Variants in IDO2 observed in about 807,000 individuals in gnomAD.
IDO2 encodes the protein indoleamine 2,3-dioxygenase 2, also known as indoleamine 2,3-dioxygenase-like 1 protein.
A neutral mutation model predicts 45.1 loss-of-function variants in IDO2; 46 were observed. That is an observed-to-expected ratio of 1.02 (90% confidence interval 0.80 to 1.30). The LOEUF (loss-of-function observed/expected upper bound fraction) is 1.30, where lower values mean the gene tolerates loss of function less well. Ranked by LOEUF, IDO2 falls within the 50% of genes most tolerant of loss-of-function variation. The pLI, the probability that IDO2 is intolerant of heterozygous loss-of-function variation, is 0.00. For synonymous variants in IDO2, 218 were observed against 184.9 expected, an observed-to-expected ratio of 1.18 and a Z score of -1.45; for missense variants, 544 against 491.8, an observed-to-expected ratio of 1.11 and a Z score of -1.00.
At chr8:40,000,246 T>C (rs2129595158) in intron 8 of IDO2, among the ~76,000 whole-genome samples, 1 of 152,132 alleles carries the variant, frequency 6.6e-6, no homozygotes, top group Non-Finnish European at 1.5e-5. Flanking sequence ...ACCATGTCTC[T>C]CCTAAAAATA....
At chr8:39,990,322 G>A (rs1283313748) in intron 8 of IDO2, among the ~76,000 whole-genome samples, 1 of 152,150 alleles carries the variant, frequency 6.6e-6, no homozygotes, top group Non-Finnish European at 1.5e-5. Context: ...AGCTAGGGCA[G>A]GCTGATTTGT....
rs115937598 is a variant in IDO2, at chr8:39,950,056, A to T, written c.99+792A>T. ...ACTATCAAAGCTTTTACAGACCATCAGGTGTCATCCCCCTCTTTCTACATC... is the reference window on the plus strand; with the variant it reads ...ACTATCAAAGCTTTTACAGACCATCTGGTGTCATCCCCCTCTTTCTACATC... On this transcript the variant is annotated intron_variant, in intron 2 of 10. Coordinates refer to ENST00000502986, the Ensembl canonical transcript of IDO2. Among the ~76,000 whole-genome samples, 362 of 152,302 alleles carry T rather than the reference A, an allele frequency of 2.4e-3. 3 individuals carry two copies. Among genetic ancestry groups the T allele is most frequent in the African/African-American group, 8.3e-3 (347 of 41,566 alleles).
intron 10 of IDO2, 24 bp from the exon 11 acceptor site, chr8:40,015,223 G>A (rs774313775): frequency 8.3e-6 from 11 of 1,325,440 alleles, no homozygotes; most frequent in South Asian, 5.1e-5. Context: ...GAGCTATGAC[G>A]TTATGCTGTA....
At chr8:40,003,168 G>C (rs1175351824) in intron 8 of IDO2, among the ~76,000 whole-genome samples, 1 of 152,054 alleles carries the variant, frequency 6.6e-6, no homozygotes, top group African/African-American at 2.4e-5. Context: ...TCAGGAGTTT[G>C]AGACGAGCCT....
chr8:39,996,577 G>A (rs753544635), intron 8 of IDO2, among the ~76,000 whole-genome samples: 3 of 151,868 alleles, frequency 2.0e-5, no homozygotes, highest in Middle Eastern at 3.2e-3. Context: ...GGGCCCAGCC[G>A]TCTTTTATTC....
chr8:39,993,333 A>T (rs1023972579), intron 8 of IDO2, among the ~76,000 whole-genome samples: 6 of 152,122 alleles, frequency 3.9e-5, no homozygotes, highest in African/African-American at 7.2e-5. Flanking sequence ...CCAAAAAGCC[A>T]TGGAAATGTT....
At chr8:39,961,137 A>G (rs1168549546) in intron 2 of IDO2, among the ~76,000 whole-genome samples, 2 of 151,928 alleles carry the variant, frequency 1.3e-5, no homozygotes, top group Admixed American at 6.6e-5. Context: ...AGCGTCTGTC[A>G]CTATGTTTTT....
At chr8:39,996,496 TAATAAATAACAGCTCA>T (rs1217399523) in intron 8 of IDO2, among the ~76,000 whole-genome samples, 1 of 152,166 alleles carries the variant, frequency 6.6e-6, no homozygotes, top group Non-Finnish European at 1.5e-5. Context: ...GCCTTGTATC[TAATAAATAACAGCTCA>T]ATCTGGCATT....
intron 8 of IDO2, among the ~76,000 whole-genome samples, chr8:40,001,589 TG>T (rs1802138475): frequency 6.6e-6 from 1 of 151,984 alleles, no homozygotes; most frequent in South Asian, 2.1e-4. Context: ...TTATCTTACT[TG>T]TTTTTTTTAA....
At chr8:39,970,968 T>C (rs369081238) in intron 3 of IDO2, among the ~76,000 whole-genome samples, 2 of 152,150 alleles carry the variant, frequency 1.3e-5, no homozygotes, top group Admixed American at 6.5e-5. Flanking sequence ...GGTTTCACCA[T>C]GTTGGCCAAG....
chr8:39,961,477 C>T (rs1265366944), intron 2 of IDO2, among the ~76,000 whole-genome samples: 1 of 151,974 alleles, frequency 6.6e-6, no homozygotes, highest in East Asian at 1.9e-4. Flanking sequence ...CATGTGCCAA[C>T]ACGCCTGCCT....
At chr8:39,977,534 A>C (rs1450073053) in intron 3 of IDO2, among the ~76,000 whole-genome samples, 3 of 152,212 alleles carry the variant, frequency 2.0e-5, no homozygotes, top group African/African-American at 7.2e-5. Context: ...TTTTAAAATT[A>C]GCCAGATGCA....
chr8:39,942,939 C>T (rs1298846924), intron 1 of IDO2, among the ~76,000 whole-genome samples: 28 of 152,132 alleles, frequency 1.8e-4, no homozygotes, highest in Non-Finnish European at 1.5e-5. Context: ...GCCATCTTTT[C>T]ATTTGAGATT....
At chr8:40,004,529 A>AGATAGATAGAT (rs1554549471) in intron 8 of IDO2, among the ~76,000 whole-genome samples, 8 of 141,522 alleles carry the variant, frequency 5.7e-5, no homozygotes, top group African/African-American at 1.9e-4. Context: ...GACAGATGAT[A>AGATAGATAGAT]GATAGATAGA....
intron 8 of IDO2, among the ~76,000 whole-genome samples, chr8:40,001,815 C>A (rs1802141937): frequency 6.6e-6 from 1 of 152,042 alleles, no homozygotes; most frequent in African/African-American, 2.4e-5. Flanking sequence ...GAGACAGAAT[C>A]TCATTTTGTT....
intron 9 of IDO2, among the ~76,000 whole-genome samples, chr8:40,007,323 G>A (rs1802238989): frequency 6.6e-6 from 1 of 152,002 alleles, no homozygotes; most frequent in African/African-American, 2.4e-5. Context: ...CTCCAGATTG[G>A]GTGTGTTTGA....
chr8:39,945,042 AGG>A (rs1382490676), intron 1 of IDO2, among the ~76,000 whole-genome samples: 1 of 152,236 alleles, frequency 6.6e-6, no homozygotes, highest in Non-Finnish European at 1.5e-5. Context: ...GAAACTGGAC[AGG>A]GTTATTCACA....
intron 5 of IDO2, among the ~76,000 whole-genome samples, chr8:39,983,923 G>A (rs1047281689): frequency 2.0e-5 from 3 of 152,040 alleles, no homozygotes; most frequent in Non-Finnish European, 2.9e-5. Flanking sequence ...TCTCTCTCGG[G>A]AGCTCTGAGC....
chr8:39,956,790 T>C (rs982007723), intron 2 of IDO2, among the ~76,000 whole-genome samples: 30 of 152,110 alleles, frequency 2.0e-4, no homozygotes, highest in African/African-American at 2.7e-4. Context: ...CTCACGCCTG[T>C]AACCCCAGCA....
Sources: gnomAD v4.1 joint callset for allele counts (sites outside exome capture counted in the v4.1 genomes callset) on GRCh38, gnomAD v4.1.1 for gene constraint, MANE v1.5 for transcripts, NCBI Gene and HGNC (gene_info 2026-07-23, HGNC 2026-07-21) for gene names.